SCN2A: variants seen among roughly 807,000 people sequenced by gnomAD.
The protein encoded by SCN2A is sodium voltage-gated channel alpha subunit 2.
SCN2A carries 20 observed loss-of-function variants against 188.7 expected under a neutral mutation model. The ratio of observed to expected loss-of-function variants is 0.11; its 90% CI spans 0.07 to 0.15. The LOEUF (loss-of-function observed/expected upper bound fraction) is 0.15, where lower values mean the gene tolerates loss of function less well. Among genes scored for constraint, SCN2A ranks in the 10% least tolerant of loss-of-function variants. The pLI, the probability that SCN2A is intolerant of heterozygous loss-of-function variation, is 1.00. For missense variants in SCN2A, 1,278 were observed against 2,445.0 expected (o/e 0.52, Z 10.07); for synonymous variants, 804 against 833.1 (o/e 0.97, Z 0.60).
At chr2:165,318,231 G>A (rs1437259349) in intron 11 of SCN2A, among the ~76,000 whole-genome samples, 1 of 152,144 alleles carries the variant, frequency 6.6e-6, no homozygotes, top group African/African-American at 2.4e-5. Flanking sequence ...TTCTTTAGTA[G>A]AGTAAGTGGA....
intron 16 of SCN2A, among the ~76,000 whole-genome samples, chr2:165,345,337 T>C (rs1383384368): frequency 6.6e-6 from 1 of 152,192 alleles, no homozygotes; most frequent in African/African-American, 2.4e-5. Flanking sequence ...CTAGAAACTA[T>C]GGTATGAGCA....
chr2:165,299,321 C>G (rs73023745), intron 3 of SCN2A, among the ~76,000 whole-genome samples: 2,931 of 152,266 alleles, frequency 0.019, 81 homozygotes, highest in African/African-American at 0.061. Flanking sequence ...TCACCCTCCA[C>G]AGGCTGAAGT....
intron 1 of SCN2A, among the ~76,000 whole-genome samples, chr2:165,280,471 T>C (rs1187216281): frequency 6.6e-6 from 1 of 152,178 alleles, no homozygotes; most frequent in Non-Finnish European, 1.5e-5. Flanking sequence ...TTTAAGAATC[T>C]GTACCTGTGT....
chr2:165,365,399 A>ATCTATCTAT, intron 18 of SCN2A, 136 bp downstream of exon 18: 1 of 988,862 alleles, frequency 1.0e-6, no homozygotes, highest in Non-Finnish European at 1.5e-6. Context: ...CTATCTATCT[A>ATCTATCTAT]GTAATCATCT....
At chr2:165,350,630 A>T (rs10172059) in intron 16 of SCN2A, among the ~76,000 whole-genome samples, 2 of 142,016 alleles carry the variant, frequency 1.4e-5, no homozygotes, top group African/African-American at 5.4e-5. Flanking sequence ...CCGCCACTAC[A>T]CCCGGCCAAT....
At chr2:165,355,599 T>C (rs34582602) in intron 17 of SCN2A, among the ~76,000 whole-genome samples, 43,954 of 151,988 alleles carry the variant, frequency 0.29, 6,662 homozygotes, top group Middle Eastern at 0.48. Context: ...ATACGAACTG[T>C]TTGGCGAGGA....
chr2:165,265,476 T>C (rs1172141421), intron 1 of SCN2A, among the ~76,000 whole-genome samples: 5 of 74,892 alleles, frequency 6.7e-5, no homozygotes, highest in Admixed American at 1.7e-4. Context: ...TTGATCTATA[T>C]ATATATATAT....
chr2:165,268,252 A>G (rs1445243739), intron 1 of SCN2A: 2 of 152,010 alleles, frequency 1.3e-5, no homozygotes, highest in Non-Finnish European at 2.9e-5. Context: ...ACTGCAGACT[A>G]ATGTTCCTGA....
At chr2:165,382,282 A>C (rs1298920205) in intron 25 of SCN2A, among the ~76,000 whole-genome samples, 10 of 152,098 alleles carry the variant, frequency 6.6e-5, no homozygotes, top group Non-Finnish European at 1.3e-4. Flanking sequence ...CTAATTAAGC[A>C]ATACAAATGC....
At chr2:165,255,337 C>G (rs2106075548) in intron 1 of SCN2A, among the ~76,000 whole-genome samples, 1 of 151,760 alleles carries the variant, frequency 6.6e-6, no homozygotes, top group East Asian at 1.9e-4. Context: ...ATGAAACTAT[C>G]TATTAACTAC....
intron 1 of SCN2A, chr2:165,272,330 T>C (rs977911854): frequency 2.6e-5 from 4 of 151,828 alleles, no homozygotes; most frequent in African/African-American, 9.7e-5. Context: ...CTTAAAAGGG[T>C]ATAACAAAGT....
rs1701130169 is a variant in SCN2A, at chr2:165,373,110, TG to T, written c.3850-114del. On this transcript the variant is annotated intron_variant, in intron 20 of 26. Transcript: ENST00000375437. Reference sequence around the variant, plus strand: ...TGGTGTTTTTAACAAGACCCCTGGGTGATTTTGAAACTCATGAAAGTTCGAG... The same window carrying T: ...TGGTGTTTTTAACAAGACCCCTGGGTATTTTGAAACTCATGAAAGTTCGAG... 21 of 1,134,536 alleles carry T rather than the reference TG, an allele frequency of 1.9e-5. No homozygotes were observed. The South Asian group carries it at 2.4e-4, about 13-fold the overall frequency. 70.3% of individuals were successfully genotyped at this position (1,134,536 alleles called of 1,614,324 possible).
chr2:165,343,148 T>G (rs1479025188), intron 15 of SCN2A, among the ~76,000 whole-genome samples: 3 of 152,324 alleles, frequency 2.0e-5, no homozygotes, highest in East Asian at 1.9e-4. Context: ...TTACTTTGAG[T>G]TGGCTCTAAG....
At chr2:165,265,249 T>C (rs1191965174) in intron 1 of SCN2A, among the ~76,000 whole-genome samples, 2 of 151,770 alleles carry the variant, frequency 1.3e-5, no homozygotes, top group African/African-American at 4.8e-5. Context: ...TTTTATATGC[T>C]TTGTTGGCCA....
Position 165,380,705 on chromosome 2 carries a change from T to C in SCN2A, c.4422T>C (p.Asp1474=). ...ATCTTTTCATTGGTGTCATCATAGA[T>C]AACTTCAACCAACAGAAAAAGAAGA... ...TLNLFIGVII[D]NFNQQKKKFG... The change falls in exon 24 of 27, where the codon GAT becomes GAC. Residue 1474 remains aspartate, a synonymous_variant. Coordinates refer to ENST00000375437, the MANE Select transcript of SCN2A (RefSeq NM_001040142.2). The C allele has an allele frequency of 1.3e-6, 2 of 1,588,692 alleles. No homozygotes were observed. Among genetic ancestry groups the C allele is most frequent in the Non-Finnish European group, 1.7e-6 (2 of 1,159,602 alleles).
chr2:165,293,451 T>A (rs1436389991), intron 1 of SCN2A, among the ~76,000 whole-genome samples: 1 of 152,162 alleles, frequency 6.6e-6, no homozygotes, highest in Admixed American at 6.5e-5. Context: ...AGCCTATTGT[T>A]CCTAGGCTAC....
At position 165,290,198 on chromosome 2, in the gene SCN2A, T is replaced by C. The variant is rs1009295891; in HGVS notation, c.-51-5575T>C. Among the ~76,000 whole-genome samples, 8 of 152,154 alleles carry C rather than the reference T, an allele frequency of 5.3e-5. No individual in the cohort carries two copies. In the South Asian group the frequency reaches 8.3e-4, roughly 16 times the overall value. ...ATTAGCACACCCATCATCTCAAACATTTAGCATTTCTTTGTATTGGGAACA... is the reference window on the plus strand; with the variant it reads ...ATTAGCACACCCATCATCTCAAACACTTAGCATTTCTTTGTATTGGGAACA... On this transcript the variant is annotated intron_variant, in intron 1 of 26. Coordinates refer to ENST00000375437, the MANE Select transcript of SCN2A (RefSeq NM_001040142.2).
chr2:165,326,931 C>T lies in SCN2A; in HGVS notation c.2096C>T (p.Thr699Ile), dbSNP rs1060503100. 1.2e-6 allele frequency: 2 copies of T among 1,613,960 alleles called. No individual in the cohort carries two copies. Among genetic ancestry groups the T allele is most frequent in the Non-Finnish European group, 1.7e-6 (2 of 1,179,898 alleles). Residue 699 changes from threonine to isoleucine, a missense_variant, in exon 13 of 27, where the codon ACA (threonine) becomes ATA (isoleucine). Physicochemically the swap from Thr to Ile is moderately conservative, Grantham distance 89 (BLOSUM62 -1). This residue lies in a region of SCN2A where 315 missense variants were observed against 386.6 expected (regional missense o/e 0.81). Transcript: ENST00000375437. ...HVSMDLLEDP[T>I]SRQRAMSIAS... The stretch of plus-strand genomic sequence containing the variant: ...TCCATGGATTTATTGGAAGATCCTA[C>T]ATCAAGGCAAAGAGCAATGAGTATA...
intron 17 of SCN2A, among the ~76,000 whole-genome samples, chr2:165,362,556 A>AATTC (rs1382525005): frequency 6.6e-6 from 1 of 152,114 alleles, no homozygotes; most frequent in African/African-American, 2.4e-5. Flanking sequence ...TGTATCTAGC[A>AATTC]ATTCATTCAT....
Sources: allele counts gnomAD v4.1 joint callset (sites outside exome capture counted in the v4.1 genomes callset), GRCh38; gene constraint gnomAD v4.1.1; regional missense constraint gnomAD v4.1.1; transcripts MANE v1.5; gene names NCBI Gene and HGNC (gene_info 2026-07-23, HGNC 2026-07-21).